Variants in PTBP3 observed in about 807,000 individuals in gnomAD.
The protein encoded by PTBP3 is polypyrimidine tract-binding protein 3.
Under a neutral mutation model 58.7 loss-of-function variants are expected in PTBP3, and 20 were observed. The ratio of observed to expected loss-of-function variants is 0.34; its 90% CI spans 0.24 to 0.50. PTBP3 has a LOEUF of 0.50. PTBP3 is among the 20% of genes least tolerant of loss of function. PTBP3 has a pLI of 0.98. For missense variants in PTBP3, 509 were observed against 637.2 expected (o/e 0.80, Z 2.17); for synonymous variants, 185 against 219.8 (o/e 0.84, Z 1.40).
intron 8 of PTBP3, among the ~76,000 whole-genome samples, chr9:112,234,164 C>T (rs1167305395): frequency 4.6e-5 from 7 of 152,156 alleles, no homozygotes; most frequent in African/African-American, 7.2e-5. Flanking sequence ...CATAAAGTAA[C>T]ATTTTCTCTT....
At chr9:112,379,205 CAAAGG>C in the PTBP3 span, among the ~76,000 whole-genome samples, 1 of 152,104 alleles carries the variant, frequency 6.6e-6, no homozygotes, top group African/African-American at 2.4e-5. Flanking sequence ...AAAACAAAAA[CAAAGG>C]AGAGAGTACA....
chr9:112,364,177 CTTTTTTTTTTTTT>C, the PTBP3 span, among the ~76,000 whole-genome samples: 4 of 73,504 alleles, frequency 5.4e-5, no homozygotes, highest in South Asian at 7.2e-4. Context: ...TAGGTCAGTT[CTTTTTTTTTTTTT>C]TTTTTTTTTT....
At chr9:112,245,934 C>T (rs1835858551) in intron 7 of PTBP3, among the ~76,000 whole-genome samples, 1 of 152,130 alleles carries the variant, frequency 6.6e-6, no homozygotes, top group Non-Finnish European at 1.5e-5. Context: ...AAACCTCATC[C>T]TCTCAAAGTG....
intron 1 of PTBP3, among the ~76,000 whole-genome samples, chr9:112,302,274 GA>G (rs2132334969): frequency 6.6e-6 from 1 of 152,164 alleles, no homozygotes; most frequent in Non-Finnish European, 1.5e-5. Flanking sequence ...AGGCAAATAA[GA>G]AATCTACCAA....
chr9:112,284,204 C>G (rs1828004121), intron 2 of PTBP3, among the ~76,000 whole-genome samples: 1 of 152,158 alleles, frequency 6.6e-6, no homozygotes, highest in Non-Finnish European at 1.5e-5. Flanking sequence ...AATGGTAGAT[C>G]CATTGACAGC....
chr9:112,276,919 G>A (rs531408566), intron 2 of PTBP3, among the ~76,000 whole-genome samples: 1 of 152,078 alleles, frequency 6.6e-6, no homozygotes, highest in African/African-American at 2.4e-5. Context: ...AAAGCTAAAA[G>A]TTTCATTCAA....
chr9:112,337,387 A>G (rs1198649087), upstream of PTBP3, among the ~76,000 whole-genome samples: 1 of 152,234 alleles, frequency 6.6e-6, no homozygotes, highest in Admixed American at 6.5e-5. Flanking sequence ...TGATTCAAAA[A>G]TAGTAGGTAG....
At chr9:112,282,849 G>T (rs1827935833) in intron 2 of PTBP3, among the ~76,000 whole-genome samples, 1 of 152,152 alleles carries the variant, frequency 6.6e-6, no homozygotes, top group African/African-American at 2.4e-5. Flanking sequence ...ATCTAGAATT[G>T]TAATCCCATA....
chr9:112,228,326 A>T, intron 11 of PTBP3, 54 bp downstream of exon 11: 1 of 1,320,000 alleles, frequency 7.6e-7, no homozygotes, highest in South Asian at 1.5e-5. Flanking sequence ...AGGAAAATTC[A>T]CACACAAAAG....
intron 2 of PTBP3, among the ~76,000 whole-genome samples, chr9:112,295,332 T>A (rs1049254046): frequency 3.3e-5 from 5 of 151,514 alleles, no homozygotes; most frequent in Non-Finnish European, 7.4e-5. Flanking sequence ...GACAATGTTA[T>A]CAGGCTCTAG....
At chr9:112,275,703 C>A (rs917964701) in intron 3 of PTBP3, 141 bp downstream of exon 3, 16 of 705,840 alleles carry the variant, frequency 2.3e-5, no homozygotes, top group Admixed American at 7.1e-5. Context: ...TACACCCCCC[C>A]AAAAAAATCT....
At position 112,262,572 on chromosome 9, in the gene PTBP3, T is replaced by C; in HGVS notation, c.379A>G (p.Ser127Gly). The C allele has an allele frequency of 1.2e-6, 2 of 1,607,842 alleles. No individual in the cohort carries two copies. The highest frequency in any genetic ancestry group is 1.7e-6 in the Non-Finnish European group (2 of 1,177,554). ...GCCAGGCTTCCTGATTGGACGGCAC[T>C]GACAGCCTGCAGTGCAGCTTGGGCT... ...ARAQAALQAV[S>G]AVQSGSLALS... The change falls in exon 5 of 14, where the codon AGT becomes GGT. Residue 127 changes from serine to glycine, a missense_variant. Ser to Gly is a moderately conservative substitution (Grantham distance 56). Around this residue, in one of 4 missense-constraint regions of PTBP3, gnomAD observed 212 missense variants for 215.3 expected, o/e 0.98. Coordinates refer to ENST00000374257, the MANE Select transcript of PTBP3 (RefSeq NM_001163788.4).
chr9:112,277,406 C>T (rs1045369930), intron 2 of PTBP3, among the ~76,000 whole-genome samples: 3 of 152,148 alleles, frequency 2.0e-5, no homozygotes, highest in African/African-American at 2.4e-5. Flanking sequence ...TACTAATTTT[C>T]CCTCCAAAAT....
downstream of PTBP3, chr9:112,217,843 A>G (rs901419008): frequency 6.6e-6 from 1 of 152,222 alleles, no homozygotes; most frequent in Non-Finnish European, 1.5e-5. Context: ...CAGGAGACTA[A>G]AATATACAAT....
chr9:112,379,807 AAAAGGTGGACGTAG>A, the PTBP3 span: 1 of 427,388 alleles, frequency 2.3e-6, no homozygotes, highest in Non-Finnish European at 4.2e-6. Context: ...AGAGACAGGG[AAAAGGTGGACGTAG>A]CGGCTGACGC....
At chr9:112,366,513 G>A in the PTBP3 span, among the ~76,000 whole-genome samples, 1 of 152,112 alleles carries the variant, frequency 6.6e-6, no homozygotes, top group African/African-American at 2.4e-5. Context: ...TATAGAGCTT[G>A]GGCCATGGCT....
intron 2 of PTBP3, among the ~76,000 whole-genome samples, chr9:112,290,699 T>TACACACACACAC (rs1221818154): frequency 0.074 from 4,747 of 63,990 alleles, 168 homozygotes; most frequent in Admixed American, 0.13. Context: ...TATATATATA[T>TACACACACACAC]ATATATATAC....
upstream of PTBP3, among the ~76,000 whole-genome samples, chr9:112,334,095 C>G (rs567866908): frequency 1.3e-5 from 2 of 151,878 alleles, no homozygotes; most frequent in East Asian, 3.9e-4. Context: ...TGGAATTGCC[C>G]CGGGTGCGCG....
chr9:112,343,585 T>A, the PTBP3 span, among the ~76,000 whole-genome samples: 1 of 151,348 alleles, frequency 6.6e-6, no homozygotes, highest in East Asian at 1.9e-4. Context: ...AGGCCAGGAG[T>A]TTGAGAACAG....
Sources: gnomAD v4.1 joint callset for allele counts (sites outside exome capture counted in the v4.1 genomes callset) on GRCh38, gnomAD v4.1.1 for gene constraint, gnomAD v4.1.1 regional missense constraint, MANE v1.5 for transcripts, NCBI Gene and HGNC (gene_info 2026-07-23, HGNC 2026-07-21) for gene names.